The following KIF5C variants were observed in gnomAD, a reference collection of about 807,000 sequenced individuals.
The protein encoded by KIF5C is kinesin family member 5C.
Under a neutral mutation model 125.2 loss-of-function variants are expected in KIF5C, and 18 were observed. That is an observed-to-expected ratio of 0.14 (90% confidence interval 0.10 to 0.21). The LOEUF is 0.21. KIF5C is among the 10% of genes least tolerant of loss of function. KIF5C has a pLI of 1.00. For missense variants in KIF5C, 780 were observed against 1,183.8 expected (o/e 0.66, Z 5.01); for synonymous variants, 405 against 434.0 (o/e 0.93, Z 0.83).
intron 8 of KIF5C, chr2:148,947,970 G>C: frequency 2.2e-6 from 1 of 456,676 alleles, no homozygotes; most frequent in Non-Finnish European, 4.4e-6. Flanking sequence ...CGTGAGTAAT[G>C]GTTACTTGGA....
intron 25 of KIF5C, among the ~76,000 whole-genome samples, chr2:149,013,430 C>A (rs1220722451): frequency 6.6e-6 from 1 of 152,208 alleles, no homozygotes; most frequent in Non-Finnish European, 1.5e-5. Context: ...GCCTCCCTTT[C>A]CCTGGACAGC....
intron 21 of KIF5C, among the ~76,000 whole-genome samples, chr2:149,002,754 G>A (rs1308647313): frequency 2.0e-5 from 3 of 152,104 alleles, no homozygotes; most frequent in Non-Finnish European, 4.4e-5. Context: ...CTCATTCACT[G>A]TCACAACCAC....
chr2:148,951,700 G>C (rs1249164182), intron 10 of KIF5C, among the ~76,000 whole-genome samples: 3 of 152,160 alleles, frequency 2.0e-5, no homozygotes, highest in Non-Finnish European at 2.9e-5. Context: ...GAACAATCAT[G>C]TGATCTTTAG....
intron 1 of KIF5C, among the ~76,000 whole-genome samples, chr2:148,893,390 A>G (rs1681759535): frequency 6.6e-6 from 1 of 152,176 alleles, no homozygotes; most frequent in Non-Finnish European, 1.5e-5. Flanking sequence ...AAACCCCTCC[A>G]CACTATGTTC....
At chr2:149,005,251 G>A (rs912955921) in intron 21 of KIF5C, 142 bp from the exon 22 acceptor site, 1 of 1,354,848 alleles carries the variant, frequency 7.4e-7, no homozygotes, top group Non-Finnish European at 1.0e-6. Flanking sequence ...GGCATGGTCA[G>A]GGTGGGGGTG....
At chr2:148,989,509 G>A (rs1220943742) in intron 15 of KIF5C, among the ~76,000 whole-genome samples, 1 of 152,082 alleles carries the variant, frequency 6.6e-6, no homozygotes, top group Non-Finnish European at 1.5e-5. Context: ...CCCAGTAGTG[G>A]GATTGCTGGA....
At chr2:148,927,485 GGTGT>G (rs368235008) in intron 2 of KIF5C, among the ~76,000 whole-genome samples, 412 of 149,582 alleles carry the variant, frequency 2.8e-3, no homozygotes, top group African/African-American at 9.2e-3. Flanking sequence ...GCCCTTTCAG[GGTGT>G]GTGTGTGTGT....
chr2:148,893,154 T>C (rs1038876841), intron 1 of KIF5C, among the ~76,000 whole-genome samples: 3 of 152,236 alleles, frequency 2.0e-5, no homozygotes, highest in Non-Finnish European at 4.4e-5. Context: ...TAATCACAAA[T>C]GGATCCTGAA....
Position 148,981,411 on chromosome 2 carries a change from C to G in KIF5C, c.1419C>G (p.Leu473=), listed in dbSNP as rs1268556172. The G allele has an allele frequency of 3.7e-6, 6 of 1,611,046 alleles. No individual in the cohort carries two copies. The highest frequency in any genetic ancestry group is 5.1e-6 in the Non-Finnish European group (6 of 1,178,770). Residue 473 remains leucine, a synonymous_variant, in exon 14 of 26, where the codon CTC becomes CTG. Coordinates refer to ENST00000435030, the MANE Select transcript of KIF5C (RefSeq NM_004522.3). ...AGATACAGGAGGAGCTGACACGTCTCCAGATTGAAAATGAGGCAGCCAAGG... is the reference window on the plus strand; with the variant it reads ...AGATACAGGAGGAGCTGACACGTCTGCAGATTGAAAATGAGGCAGCCAAGG... ...YEKIQEELTR[L]QIENEAAKDE...
intron 25 of KIF5C, among the ~76,000 whole-genome samples, chr2:149,014,553 T>A (rs1433947945): frequency 1.3e-5 from 2 of 152,210 alleles, no homozygotes; most frequent in African/African-American, 4.8e-5. Context: ...AGGTGTTAGG[T>A]CTTCCACTTC....
rs760288326 is a variant in KIF5C, at chr2:149,004,614, A to G, written c.2374-779A>G. ...CAGTGAAAGTTTTAACAACAACAAT[A>G]AAAGGAAGCAATACAATCCTAATGA... On this transcript the variant is annotated intron_variant, in intron 21 of 25. Transcript: ENST00000435030. Among the ~76,000 whole-genome samples, 135 of 152,252 alleles carry G rather than the reference A, an allele frequency of 8.9e-4. 1 individual carries two copies. Among genetic ancestry groups the G allele is most frequent in the Non-Finnish European group, 1.7e-3 (119 of 68,040 alleles).
At chr2:148,970,526 A>C (rs1333578382) in intron 11 of KIF5C, among the ~76,000 whole-genome samples, 1 of 152,246 alleles carries the variant, frequency 6.6e-6, no homozygotes, top group Non-Finnish European at 1.5e-5. Context: ...ACCTGTTAAA[A>C]GGTACAATGT....
chr2:148,886,577 T>C (rs1681533288), intron 1 of KIF5C, among the ~76,000 whole-genome samples: 1 of 132,348 alleles, frequency 7.6e-6, no homozygotes, highest in Admixed American at 7.3e-5. Context: ...AGATCAGACT[T>C]GCCCACCCAG....
chr2:148,936,229 G>A (rs1309382665), intron 3 of KIF5C, among the ~76,000 whole-genome samples: 1 of 152,202 alleles, frequency 6.6e-6, no homozygotes, highest in African/African-American at 2.4e-5. Flanking sequence ...GTTGCAGTCA[G>A]CTAAGACTGC....
chr2:149,020,820 TAAC>T (rs1365029052), intron 25 of KIF5C, among the ~76,000 whole-genome samples: 3 of 152,222 alleles, frequency 2.0e-5, no homozygotes, highest in African/African-American at 7.2e-5. Flanking sequence ...GCATTTTAAA[TAAC>T]AACTATGACC....
In KIF5C at chr2:148,979,007, ATT is replaced by A; in HGVS notation, c.1362+25_1362+26del. 12 of 1,526,366 alleles carry A rather than the reference ATT, an allele frequency of 7.9e-6. No individual in the cohort carries two copies. The highest frequency in any genetic ancestry group is 2.0e-5 in the Admixed American group (1 of 48,836). 94.6% of individuals were successfully genotyped at this position (1,526,366 alleles called of 1,614,324 possible). On this transcript the variant is annotated intron_variant, in intron 13 of 25. Transcript: ENST00000435030. ...CAGGATGAGGTAAAGAATGCAATAT[ATT>A]TTTTTTTCCACAAAGTTCTTCTATT...
chr2:148,904,168 G>T (rs1306522402), intron 1 of KIF5C, among the ~76,000 whole-genome samples: 2 of 152,204 alleles, frequency 1.3e-5, no homozygotes, highest in African/African-American at 4.8e-5. Flanking sequence ...ATGTTGAATG[G>T]TTTTCCTGTT....
chr2:148,927,085 C>T (rs1682031669), intron 2 of KIF5C, among the ~76,000 whole-genome samples: 1 of 152,182 alleles, frequency 6.6e-6, no homozygotes, highest in African/African-American at 2.4e-5. Flanking sequence ...GCTCCTTAGT[C>T]CAAAACAAGT....
intron 1 of KIF5C, among the ~76,000 whole-genome samples, chr2:148,911,394 G>T (rs1255128733): frequency 2.6e-5 from 4 of 152,134 alleles, no homozygotes; most frequent in Non-Finnish European, 5.9e-5. Flanking sequence ...ACAAGGCCGG[G>T]CTGGTGCACA....
Sources: allele counts gnomAD v4.1 joint callset (sites outside exome capture counted in the v4.1 genomes callset), GRCh38; gene constraint gnomAD v4.1.1; transcripts MANE v1.5; gene names NCBI Gene and HGNC (gene_info 2026-07-23, HGNC 2026-07-21).